Variants in DUSP22 observed in about 807,000 individuals in gnomAD.
The protein encoded by DUSP22 is dual specificity protein phosphatase 22.
Under a neutral mutation model 24.5 loss-of-function variants are expected in DUSP22, and 24 were observed. The ratio of observed to expected loss-of-function variants is 0.98; its 90% confidence interval spans 0.71 to 1.38. The LOEUF is 1.38. DUSP22 is among the 40% of genes most tolerant of loss of function. DUSP22 has a pLI of 0.00. For synonymous variants in DUSP22, 160 were observed against 106.4 expected (o/e 1.50, Z -3.10); for missense variants, 330 against 269.2 (o/e 1.23, Z -1.58).
intron 3 of DUSP22, among the ~76,000 whole-genome samples, chr6:324,539 C>T (rs1758760666): frequency 6.6e-6 from 1 of 152,302 alleles, no homozygotes; most frequent in African/African-American, 2.4e-5. Flanking sequence ...CTCCACTCTC[C>T]CACCCCGTGG....
chr6:344,289 A>G (rs1377812421), intron 4 of DUSP22, among the ~76,000 whole-genome samples: 8 of 151,860 alleles, frequency 5.3e-5, no homozygotes, highest in Non-Finnish European at 8.8e-5. Flanking sequence ...TAGTTCTATT[A>G]TTTGTTTATT....
chr6:327,441 CAT>C (rs1425203915), intron 3 of DUSP22, among the ~76,000 whole-genome samples: 4 of 152,300 alleles, frequency 2.6e-5, no homozygotes, highest in African/African-American at 9.6e-5. Context: ...TTGGTGGCCA[CAT>C]GTTTAAAATT....
At position 349,161 on chromosome 6, in the gene DUSP22, G is replaced by A; in HGVS notation, c.*210G>A. ...TACCCTGGCTGCACCTGAGCTTGCT[G>A]CCCCTGGGGATGTTGCCCAGTGGCT... On this transcript the variant is annotated 3_prime_UTR_variant, in exon 7 of 7. Transcript: ENST00000419235. The A allele has an allele frequency of 7.0e-7, 1 of 1,434,244 alleles. No homozygotes were observed. The allele number at this position is 1,434,244 out of a possible 1,614,324, so 88.8% of individuals were successfully genotyped here. A position where few individuals can be genotyped will look rare whatever the true frequency, so the allele number is the denominator to read the frequency against.
chr6:328,746 CTAAT>C (rs1759003235), intron 3 of DUSP22, among the ~76,000 whole-genome samples: 3 of 152,308 alleles, frequency 2.0e-5, no homozygotes, highest in Non-Finnish European at 4.4e-5. Context: ...TGCAGCCTAA[CTAAT>C]GGAGCATATT....
intron 6 of DUSP22, 142 bp from the exon 7 acceptor site, chr6:348,627 A>T: frequency 7.0e-7 from 1 of 1,426,022 alleles, no homozygotes; most frequent in South Asian, 1.3e-5. Flanking sequence ...CTGGCCAACC[A>T]CAGAGCTCTG....
chr6:326,233 G>C (rs1758864768), intron 3 of DUSP22: 3 of 236,438 alleles, frequency 1.3e-5, no homozygotes, highest in Non-Finnish European at 2.4e-5. Context: ...TGTGTGCAAT[G>C]CTGTATCTGC....
At chr6:341,189 G>A (rs1759590092) in intron 4 of DUSP22, among the ~76,000 whole-genome samples, 2 of 152,312 alleles carry the variant, frequency 1.3e-5, no homozygotes, top group African/African-American at 4.8e-5. Flanking sequence ...GCGTGGTCCG[G>A]TCCGTGCTTC....
intron 2 of DUSP22, among the ~76,000 whole-genome samples, chr6:311,409 G>A (rs6934277): frequency 0.17 from 25,293 of 145,616 alleles, 146 homozygotes; most frequent in East Asian, 0.25. Flanking sequence ...GGCCGGGCGC[G>A]GTGGCTCACG....
intron 3 of DUSP22, among the ~76,000 whole-genome samples, chr6:319,558 T>A (rs1479970245): frequency 6.6e-6 from 1 of 152,310 alleles, no homozygotes; most frequent in African/African-American, 2.4e-5. Context: ...TGCCCTTTTT[T>A]AGGACTCACA....
intron 3 of DUSP22, among the ~76,000 whole-genome samples, chr6:315,416 A>G (rs111453526): frequency 0.035 from 5,215 of 150,472 alleles, no homozygotes; most frequent in African/African-American, 0.11. Context: ...TGGGATTCCC[A>G]TGGCTGTCTG....
chr6:343,016 C>A (rs1424221946), intron 4 of DUSP22, among the ~76,000 whole-genome samples: 3 of 152,306 alleles, frequency 2.0e-5, no homozygotes, highest in African/African-American at 4.8e-5. Flanking sequence ...TCCTGCCCAA[C>A]AAGGCTCCCT....
chr6:300,375 A>G (rs1757523871), intron 1 of DUSP22, among the ~76,000 whole-genome samples: 1 of 152,306 alleles, frequency 6.6e-6, no homozygotes, highest in African/African-American at 2.4e-5. Flanking sequence ...GCTGAAAGCT[A>G]CACGGAGCCC....
In DUSP22 at chr6:350,037, G is replaced by A. The variant is rs1042675815; in HGVS notation, c.*1086G>A. The A allele has an allele frequency of 2.4e-4, 241 of 985,452 alleles. No individual in the cohort carries two copies. Among genetic ancestry groups the A allele is most frequent in the Non-Finnish European group, 2.2e-4 (185 of 829,946 alleles). The allele number at this position is 985,452 out of a possible 1,614,324, so 61.0% of individuals were successfully genotyped here. A position where few individuals can be genotyped will look rare whatever the true frequency, so the allele number is the denominator to read the frequency against. On this transcript the variant is annotated 3_prime_UTR_variant, in exon 7 of 7. Transcript: ENST00000419235. The stretch of plus-strand genomic sequence containing the variant: ...TAGCAATTTGCATTTTAAAATGCCT[G>A]AGCATTTATTAAGCTTCTTGGTATT...
chr6:340,082 ATTC>A (rs1221987205), intron 4 of DUSP22, among the ~76,000 whole-genome samples: 1 of 152,302 alleles, frequency 6.6e-6, no homozygotes, highest in African/African-American at 2.4e-5. Context: ...TTGTTGAAAT[ATTC>A]TTCTGGGAAA....
In DUSP22 at chr6:335,167, A is replaced by C. The variant is rs557768381; in HGVS notation, c.188+4A>C. On this transcript the variant is annotated splice_donor_region_variant and intron_variant, in intron 4 of 6. Transcript: ENST00000419235. ...CGGATTCACCATCTCAAAACCTGTA[A>C]GTTTCTTATTTCTGTATTATTTGGA... is the stretch of plus-strand genomic sequence containing the variant. The C allele has an allele frequency of 1.9e-6, 3 of 1,613,686 alleles. No individual in the cohort carries two copies. The highest frequency in any genetic ancestry group is 2.7e-5 in the African/African-American group (2 of 75,082).
At chr6:298,469 T>C (rs1013248996) in intron 1 of DUSP22, among the ~76,000 whole-genome samples, 2 of 152,306 alleles carry the variant, frequency 1.3e-5, no homozygotes, top group Admixed American at 6.5e-5. Flanking sequence ...GGTTCTTAGA[T>C]GCCATGCATC....
chr6:335,195 C>T (rs1759309000), intron 4 of DUSP22, 32 bp downstream of exon 4: 2 of 1,608,486 alleles, frequency 1.2e-6, no homozygotes, highest in Non-Finnish European at 8.5e-7. Flanking sequence ...TATTTGGAGA[C>T]ATTTAAAAAA....
rs1760044093 is a variant in DUSP22 at position 349,131 on chromosome 6, AC to A, written c.*184del. 1 of 1,437,232 alleles carries A rather than the reference AC, an allele frequency of 7.0e-7. No homozygotes were observed. The highest frequency in any genetic ancestry group is 9.1e-7 in the Non-Finnish European group (1 of 1,101,776). The allele number at this position is 1,437,232 out of a possible 1,614,324, so 89.0% of individuals were successfully genotyped here. A position where few individuals can be genotyped will look rare whatever the true frequency, so the allele number is the denominator to read the frequency against. ...TGCTCCAGGCCCCTGCACTCCGCCC[AC>A]CCCTACCCTGGCTGCACCTGAGCTT... is the stretch of plus-strand genomic sequence containing the variant. On this transcript the variant is annotated 3_prime_UTR_variant, in exon 7 of 7. Transcript: ENST00000419235.
At chr6:325,644 G>A (rs964026673) in intron 3 of DUSP22, 4 of 220,040 alleles carry the variant, frequency 1.8e-5, no homozygotes, top group Non-Finnish European at 3.4e-5. Context: ...ATCTGCCCTG[G>A]GCTTCTGCAT....
Sources: allele counts gnomAD v4.1 joint callset (sites outside exome capture counted in the v4.1 genomes callset), GRCh38; gene constraint gnomAD v4.1.1; transcripts MANE v1.5; gene names NCBI Gene and HGNC (gene_info 2026-07-23, HGNC 2026-07-21).